FMN1: variants seen among roughly 807,000 people sequenced by gnomAD.
The protein encoded by FMN1 is formin 1, also known as formin-1.
FMN1 carries 110 observed loss-of-function variants against 132.4 expected under a neutral mutation model. The observed-to-expected ratio is 0.83, with a 90% CI of 0.71 to 0.97. The LOEUF (loss-of-function observed/expected upper bound fraction) is 0.97. Ranked by LOEUF, FMN1 falls within the 50% of genes least tolerant of loss-of-function variation. The pLI is 0.00. For synonymous variants in FMN1, 722 were observed against 651.7 expected, an observed-to-expected ratio of 1.11 and a Z score of -1.64; for missense variants, 1,792 against 1,705.3, an observed-to-expected ratio of 1.05 and a Z score of -0.90.
chr15:33,101,357 T>C (rs1054731620), intron 4 of FMN1, among the ~76,000 whole-genome samples: 8 of 152,082 alleles, frequency 5.3e-5, no homozygotes, highest in African/African-American at 1.7e-4. Flanking sequence ...AATCCTGTAA[T>C]CTAGGGGTGT....
chr15:32,948,292 A>T (rs189053766), intron 9 of FMN1, among the ~76,000 whole-genome samples: 45 of 142,650 alleles, frequency 3.2e-4, no homozygotes, highest in Non-Finnish European at 1.3e-4. Flanking sequence ...ATTATCAAAC[A>T]TTTTTTTATA....
intron 4 of FMN1, among the ~76,000 whole-genome samples, chr15:33,092,061 C>G (rs1200182804): frequency 6.6e-6 from 1 of 152,184 alleles, no homozygotes; most frequent in Non-Finnish European, 1.5e-5. Context: ...CATACACACA[C>G]AGGTTATCTG....
intron 16 of FMN1, among the ~76,000 whole-genome samples, chr15:32,873,321 C>G (rs2059559951): frequency 6.6e-6 from 1 of 152,166 alleles, no homozygotes; most frequent in Admixed American, 6.5e-5. Flanking sequence ...AGTTGAATAT[C>G]AGAAACAGTT....
chr15:32,828,652 G>T (rs897464250), intron 17 of FMN1, among the ~76,000 whole-genome samples: 1 of 152,166 alleles, frequency 6.6e-6, no homozygotes, highest in Non-Finnish European at 1.5e-5. Flanking sequence ...TCTCCCCTGA[G>T]GATGAAAGAT....
intron 4 of FMN1, among the ~76,000 whole-genome samples, chr15:33,106,863 A>T (rs1229786437): frequency 1.3e-5 from 2 of 151,966 alleles, no homozygotes; most frequent in African/African-American, 2.4e-5. Flanking sequence ...CACCCCAAAG[A>T]TATGTGCAGA....
At chr15:32,859,824 G>A (rs549372224) in intron 16 of FMN1, among the ~76,000 whole-genome samples, 3 of 152,036 alleles carry the variant, frequency 2.0e-5, no homozygotes, top group Non-Finnish European at 4.4e-5. Context: ...ATCACTTGAG[G>A]CCAGGAGTTC....
At chr15:32,834,825 C>T (rs2058585754) in intron 17 of FMN1, among the ~76,000 whole-genome samples, 1 of 152,188 alleles carries the variant, frequency 6.6e-6, no homozygotes, top group African/African-American at 2.4e-5. Flanking sequence ...AGCCCTAGTT[C>T]CCTCTGATCA....
intron 20 of FMN1, among the ~76,000 whole-genome samples, chr15:32,776,097 T>C (rs2056407913): frequency 6.6e-6 from 1 of 152,244 alleles, no homozygotes; most frequent in Non-Finnish European, 1.5e-5. Flanking sequence ...AAGTAGTATG[T>C]TCTTTTCATG....
In FMN1 at chr15:32,829,429, G is replaced by T. The variant is rs184667573; in HGVS notation, c.3929-25097C>A. 3.9e-4 allele frequency among the ~76,000 whole-genome samples: 60 copies of T among 152,224 alleles called. 2 individuals are homozygous for T. The South Asian group carries it at 0.012, about 31-fold the overall frequency. The stretch of plus-strand genomic sequence containing the variant: ...TGAATAACACAGGCCCCCAGGAGAG[G>T]GGGGTGAAAGATAGTTTTCAAAGAT... On this transcript the variant is annotated intron_variant, in intron 17 of 20. Coordinates refer to ENST00000616417, the MANE Select transcript of FMN1 (RefSeq NM_001277313.2).
At chr15:32,915,023 A>C (rs1279120378) in intron 10 of FMN1, among the ~76,000 whole-genome samples, 1 of 152,260 alleles carries the variant, frequency 6.6e-6, no homozygotes, top group African/African-American at 2.4e-5. Flanking sequence ...AAATCTAAAA[A>C]GTAAAAGAAA....
At chr15:32,949,735 C>T (rs1052724730) in intron 9 of FMN1, among the ~76,000 whole-genome samples, 3 of 151,240 alleles carry the variant, frequency 2.0e-5, no homozygotes, top group African/African-American at 4.9e-5. Flanking sequence ...AGCTCCTACA[C>T]AGCAAAAGAA....
chr15:33,077,585 A>G (rs1481745394), intron 5 of FMN1, among the ~76,000 whole-genome samples: 3 of 151,496 alleles, frequency 2.0e-5, no homozygotes, highest in Non-Finnish European at 4.4e-5. Context: ...TCACTGTTCA[A>G]TTCCCATCCA....
chr15:32,839,926 G>A (rs1015869615), intron 17 of FMN1, among the ~76,000 whole-genome samples: 1 of 63,474 alleles, frequency 1.6e-5, no homozygotes, highest in Non-Finnish European at 3.5e-5. Flanking sequence ...TACTTGATGG[G>A]AGGGAGATCT....
At chr15:33,065,719 G>A (rs567228209) in intron 5 of FMN1, among the ~76,000 whole-genome samples, 23 of 152,228 alleles carry the variant, frequency 1.5e-4, no homozygotes, top group Middle Eastern at 3.4e-3. Context: ...TATATAGGAG[G>A]AATGATAGTC....
chr15:32,942,941 T>C (rs2061430872), intron 9 of FMN1, among the ~76,000 whole-genome samples: 1 of 152,212 alleles, frequency 6.6e-6, no homozygotes, highest in Admixed American at 6.5e-5. Flanking sequence ...ACCATATATA[T>C]ATGAGTAGAC....
chr15:32,949,986 C>CATACACATATATATATACACATAT (rs1567449086), intron 9 of FMN1, among the ~76,000 whole-genome samples: 1 of 8,268 alleles, frequency 1.2e-4, no homozygotes, highest in Non-Finnish European at 2.7e-4. Flanking sequence ...TATACACACA[C>CATACACATATATATATACACATAT]ATATATATAC....
chr15:32,998,189 T>C (rs2033891135), intron 7 of FMN1, among the ~76,000 whole-genome samples: 1 of 152,356 alleles, frequency 6.6e-6, no homozygotes, highest in South Asian at 2.1e-4. Flanking sequence ...CTGTATTTGA[T>C]GGTATCACAA....
Position 33,119,762 on chromosome 15 carries a change from C to T in FMN1, c.1868-30788G>A, listed in dbSNP as rs561151048. On this transcript the variant is annotated intron_variant, in intron 4 of 20. Coordinates refer to ENST00000616417, the MANE Select transcript of FMN1 (RefSeq NM_001277313.2). ...TTCTAAAAACTGTTTGTACTATATT[C>T]GTCTTTAAAATGTGTTAGGAATTTC... Among the ~76,000 whole-genome samples the T allele has an allele frequency of 1.5e-3, 235 of 152,158 alleles. 2 individuals carry two copies. The highest frequency in any genetic ancestry group is 2.5e-3 in the Non-Finnish European group (172 of 67,986).
chr15:33,006,321 G>A (rs1473405571), intron 7 of FMN1, among the ~76,000 whole-genome samples: 4 of 152,090 alleles, frequency 2.6e-5, no homozygotes, highest in African/African-American at 9.7e-5. Context: ...TCAGGGAAAT[G>A]CAAACTAAAA....
Sources: gnomAD v4.1 joint callset for allele counts (sites outside exome capture counted in the v4.1 genomes callset) on GRCh38, gnomAD v4.1.1 for gene constraint, MANE v1.5 for transcripts, NCBI Gene and HGNC (gene_info 2026-07-23, HGNC 2026-07-21) for gene names.